TTC28: variants seen among roughly 807,000 people sequenced by gnomAD.
The protein encoded by TTC28 is tetratricopeptide repeat domain 28.
A neutral mutation model predicts 198.0 loss-of-function variants in TTC28; 61 were observed. The ratio of observed to expected loss-of-function variants is 0.31; its 90% CI spans 0.25 to 0.38. The LOEUF (loss-of-function observed/expected upper bound fraction) is 0.38, where lower values mean the gene tolerates loss of function less well. TTC28 is among the 10% of genes least tolerant of loss of function. The pLI, the probability that TTC28 is intolerant of heterozygous loss-of-function variation, is 1.00. For missense variants in TTC28, 2,678 were observed against 3,164.0 expected, an observed-to-expected ratio of 0.85 and a Z score of 3.69; for synonymous variants, 1,171 against 1,297.8, an observed-to-expected ratio of 0.90 and a Z score of 2.10.
intron 2 of TTC28, among the ~76,000 whole-genome samples, chr22:28,407,073 A>G (rs943512756): frequency 6.6e-6 from 1 of 152,212 alleles, no homozygotes; most frequent in African/African-American, 2.4e-5. Flanking sequence ...TGACAACTGG[A>G]TAAGTTATAT....
intron 12 of TTC28, among the ~76,000 whole-genome samples, chr22:28,032,242 ATATATAAAATATATATATATATATAGTGT>A (rs1939150075): frequency 3.6e-5 from 4 of 110,642 alleles, no homozygotes; most frequent in Non-Finnish European, 5.3e-5. Flanking sequence ...TAAAATATAT[ATATATAAAATATATATATATATATAGTGT>A]GTGTGTGTGT....
At position 28,005,856 on chromosome 22, in the gene TTC28, A is replaced by T. The variant is rs1937911085; in HGVS notation, c.4219-4303T>A. 6.6e-6 allele frequency among the ~76,000 whole-genome samples: 1 copy of T among 152,128 alleles called. No homozygotes were observed. The highest frequency in any genetic ancestry group is 1.5e-5 in the Non-Finnish European group (1 of 67,992). On this transcript the variant is annotated intron_variant, in intron 14 of 22. Coordinates refer to ENST00000397906, the MANE Select transcript of TTC28 (RefSeq NM_001145418.2). This position sits in a 1 kb window ranked among gnomAD's most constrained non-coding sequence, Gnocchi z 4.9. ...ACATATCTCTGTGTCCTGTGGGCTG[A>T]ATCACACCTCCTCCCATGTTCATTC... is the stretch of plus-strand genomic sequence containing the variant.
At chr22:28,071,748 GAAAA>G (rs371615737) in intron 12 of TTC28, among the ~76,000 whole-genome samples, 3 of 91,134 alleles carry the variant, frequency 3.3e-5, no homozygotes, top group Admixed American at 2.4e-4. Flanking sequence ...AAAAAAAAAG[GAAAA>G]AAAAAAAAAA....
At chr22:28,184,305 A>T (rs1037497064) in intron 5 of TTC28, among the ~76,000 whole-genome samples, 36 of 152,198 alleles carry the variant, frequency 2.4e-4, no homozygotes, top group African/African-American at 8.4e-4. Context: ...TCTGTTTTGT[A>T]TATTTGTTTA....
At chr22:28,192,617 A>T (rs2038730241) in intron 5 of TTC28, among the ~76,000 whole-genome samples, 1 of 152,182 alleles carries the variant, frequency 6.6e-6, no homozygotes. Context: ...GGAGCTGAAA[A>T]CCATGGCATG....
chr22:28,204,882 G>A (rs1439084893), intron 5 of TTC28, among the ~76,000 whole-genome samples: 1 of 152,102 alleles, frequency 6.6e-6, no homozygotes, highest in African/African-American at 2.4e-5. Flanking sequence ...TAAATGATGA[G>A]GACTCCTGGT....
chr22:28,472,546 A>ATGTG lies in TTC28; in HGVS notation c.381+157002_381+157005dup, dbSNP rs755019373. Among the ~76,000 whole-genome samples, 261 of 89,024 alleles carry ATGTG rather than the reference A, an allele frequency of 2.9e-3. 1 individual carries two copies. The highest frequency in any genetic ancestry group is 6.8e-3 in the South Asian group (17 of 2,492). 58.4% of individuals were successfully genotyped at this position (89,024 alleles called of 152,430 possible). ...TAGATTAATTTTTGACAAAAAGAAA[A>ATGTG]TGTGTATGTGTGTGTGTGTGTGTGT... On this transcript the variant is annotated intron_variant, in intron 2 of 22. Coordinates refer to ENST00000397906, the MANE Select transcript of TTC28 (RefSeq NM_001145418.2).
At chr22:28,106,390 C>T (rs528001311) in intron 7 of TTC28, among the ~76,000 whole-genome samples, 5 of 152,218 alleles carry the variant, frequency 3.3e-5, no homozygotes, top group East Asian at 1.9e-4. Flanking sequence ...ACACGATAAG[C>T]GTGGAAAGAG....
At chr22:28,386,884 G>A (rs1026193475) in intron 2 of TTC28, among the ~76,000 whole-genome samples, 3 of 151,638 alleles carry the variant, frequency 2.0e-5, no homozygotes, top group Non-Finnish European at 4.4e-5. Flanking sequence ...GGGTACATGT[G>A]CACAATGTGC....
At chr22:28,486,877 C>T (rs1309116112) in intron 2 of TTC28, among the ~76,000 whole-genome samples, 1 of 152,212 alleles carries the variant, frequency 6.6e-6, no homozygotes, top group Non-Finnish European at 1.5e-5. Flanking sequence ...TATAAAGCAT[C>T]TGGCTCTTTC....
At chr22:28,616,410 T>A (rs1252922694) in intron 2 of TTC28, among the ~76,000 whole-genome samples, 1 of 152,228 alleles carries the variant, frequency 6.6e-6, no homozygotes, top group Non-Finnish European at 1.5e-5. Context: ...TATATTTTAT[T>A]ACTATTATAA....
At chr22:28,365,602 G>C (rs1411859937) in intron 2 of TTC28, among the ~76,000 whole-genome samples, 2 of 152,148 alleles carry the variant, frequency 1.3e-5, no homozygotes, top group African/African-American at 4.8e-5. Context: ...CGGTTTAGAG[G>C]CTGTTTCTGC....
rs891718355 is a variant in TTC28, at chr22:28,485,673, A to G, written c.381+143879T>C. 5.3e-5 allele frequency among the ~76,000 whole-genome samples: 8 copies of G among 152,292 alleles called. No homozygotes were observed. The South Asian group carries it at 1.4e-3, about 28-fold the overall frequency. On this transcript the variant is annotated intron_variant, in intron 2 of 22. Transcript: ENST00000397906. The stretch of plus-strand genomic sequence containing the variant: ...TAAAAGCCAGATTTTCTAAAATCCT[A>G]CTTTTTCAGATGAATATCAAAAGGG...
intron 22 of TTC28, 35 bp from the exon 23 acceptor site, chr22:27,983,886 A>T: frequency 6.6e-7 from 1 of 1,519,118 alleles, no homozygotes; most frequent in Non-Finnish European, 8.8e-7. Context: ...AAGGACAGTT[A>T]GAATTCTATA....
intron 2 of TTC28, among the ~76,000 whole-genome samples, chr22:28,450,686 T>C (rs1321302907): frequency 6.6e-6 from 1 of 152,156 alleles, no homozygotes; most frequent in Non-Finnish European, 1.5e-5. Context: ...CCAGAAATAA[T>C]GCTCATGTGT....
intron 2 of TTC28, among the ~76,000 whole-genome samples, chr22:28,456,024 T>C (rs1477040696): frequency 7.3e-5 from 11 of 151,488 alleles, no homozygotes; most frequent in Admixed American, 6.6e-4. Context: ...CTGGGTGTGG[T>C]GGTGGGCACC....
At chr22:28,245,675 C>T (rs1033767200) in intron 5 of TTC28, among the ~76,000 whole-genome samples, 7 of 152,186 alleles carry the variant, frequency 4.6e-5, no homozygotes, top group African/African-American at 1.7e-4. Flanking sequence ...AAATGTTAAA[C>T]ATTGTAGTCT....
chr22:28,035,899 C>T (rs1397854494), intron 12 of TTC28, among the ~76,000 whole-genome samples: 1 of 152,178 alleles, frequency 6.6e-6, no homozygotes, highest in East Asian at 1.9e-4. Context: ...AAGGCCACTA[C>T]ATAAATGGTT....
intron 2 of TTC28, among the ~76,000 whole-genome samples, chr22:28,376,619 GCCCTA>G (rs1284389429): frequency 6.6e-6 from 1 of 152,148 alleles, no homozygotes; most frequent in East Asian, 1.9e-4. Flanking sequence ...AAAGGGGTAA[GCCCTA>G]CCTCTAAGTG....
Sources: gnomAD v4.1 joint callset for allele counts (sites outside exome capture counted in the v4.1 genomes callset) on GRCh38, gnomAD v4.1.1 for gene constraint, Gnocchi (gnomAD v3.1) non-coding constraint, MANE v1.5 for transcripts, NCBI Gene and HGNC (gene_info 2026-07-23, HGNC 2026-07-21) for gene names.